The following FNDC3B variants were observed in gnomAD, a reference collection of about 807,000 sequenced individuals.
FNDC3B encodes fibronectin type III domain-containing protein 3B.
A neutral mutation model predicts 151.5 loss-of-function variants in FNDC3B; 12 were observed. The ratio of observed to expected loss-of-function variants is 0.08; its 90% CI spans 0.05 to 0.13. The LOEUF (loss-of-function observed/expected upper bound fraction) is 0.13. FNDC3B is among the 10% of genes least tolerant of loss of function. FNDC3B has a pLI of 1.00. For synonymous variants in FNDC3B, 528 were observed against 549.0 expected, an observed-to-expected ratio of 0.96 and a Z score of 0.54; for missense variants, 1,214 against 1,505.3, an observed-to-expected ratio of 0.81 and a Z score of 3.20.
At chr3:172,347,795 G>T (rs964995027) in intron 21 of FNDC3B, among the ~76,000 whole-genome samples, 1 of 152,112 alleles carries the variant, frequency 6.6e-6, no homozygotes, top group African/African-American at 2.4e-5. Context: ...AAATAATCTG[G>T]ACTAGTCTGC....
At chr3:172,088,362 T>C (rs912521737) in intron 1 of FNDC3B, among the ~76,000 whole-genome samples, 3 of 152,212 alleles carry the variant, frequency 2.0e-5, no homozygotes, top group Non-Finnish European at 2.9e-5. Flanking sequence ...GCAGCTAGCA[T>C]ACATAACAGA....
At chr3:172,261,123 T>C (rs969204489) in intron 6 of FNDC3B, among the ~76,000 whole-genome samples, 2 of 152,280 alleles carry the variant, frequency 1.3e-5, no homozygotes, top group East Asian at 1.9e-4. Flanking sequence ...TTGTACACCA[T>C]GTCTTCCGCA....
intron 3 of FNDC3B, among the ~76,000 whole-genome samples, chr3:172,134,591 TC>T (rs1721269600): frequency 6.6e-6 from 1 of 152,190 alleles, no homozygotes; most frequent in East Asian, 1.9e-4. Context: ...GTTTTTTTTT[TC>T]CTTGCGTAAT....
chr3:172,141,722 C>T (rs1244923610), intron 3 of FNDC3B, among the ~76,000 whole-genome samples: 1 of 152,080 alleles, frequency 6.6e-6, no homozygotes, highest in Non-Finnish European at 1.5e-5. Context: ...TGGTGGTTGG[C>T]ACCTGTAATC....
At chr3:172,178,668 A>C (rs1382794375) in intron 3 of FNDC3B, among the ~76,000 whole-genome samples, 2 of 152,154 alleles carry the variant, frequency 1.3e-5, no homozygotes, top group Non-Finnish European at 2.9e-5. Context: ...CATCCCTGGG[A>C]CCCCACATTC....
At chr3:172,262,894 CAAAAAAAAAAA>C (rs67891835) in intron 6 of FNDC3B, among the ~76,000 whole-genome samples, 55 of 60,608 alleles carry the variant, frequency 9.1e-4, no homozygotes, top group African/African-American at 2.2e-3. Flanking sequence ...GAGACCGACT[CAAAAAAAAAAA>C]AAAAAAAAAA....
In FNDC3B at chr3:172,399,645, G is replaced by A. The variant is rs772588443; in HGVS notation, c.*2170G>A. 5 of 140,888 alleles carry A rather than the reference G, an allele frequency of 3.5e-5. No individual in the cohort carries two copies. The highest frequency in any genetic ancestry group is 8.0e-5 in the Non-Finnish European group (5 of 62,530). 8.7% of individuals were successfully genotyped at this position (140,888 alleles called of 1,614,324 possible). A position where few individuals can be genotyped will look rare whatever the true frequency, so the allele number is the denominator to read the frequency against. On this transcript the variant is annotated 3_prime_UTR_variant, in exon 26 of 26. Transcript: ENST00000415807. ...CCAAAACTCACCCCCTTATTTAAAT[G>A]TGTGCTATGACCCACTATGACCACA...
intron 21 of FNDC3B, among the ~76,000 whole-genome samples, chr3:172,350,261 C>G (rs1733796880): frequency 6.6e-6 from 1 of 152,066 alleles, no homozygotes; most frequent in Non-Finnish European, 1.5e-5. Context: ...CATTACTGTC[C>G]CCATTTTACA....
At position 172,397,821 on chromosome 3, in the gene FNDC3B, T is replaced by C. The variant is rs1386254959; in HGVS notation, c.*346T>C. 6.2e-6 allele frequency: 1 copy of C among 161,922 alleles called. No homozygotes were observed. Among genetic ancestry groups the C allele is most frequent in the Non-Finnish European group, 1.3e-5 (1 of 74,876 alleles). 10.0% of individuals were successfully genotyped at this position (161,922 alleles called of 1,614,324 possible). The stretch of plus-strand genomic sequence containing the variant: ...TTTGATTTTTTTTTTTTTGTTACAG[T>C]TTAGTAATTTATATTCACCAGTCAC... On this transcript the variant is annotated 3_prime_UTR_variant, in exon 26 of 26. Coordinates refer to ENST00000415807, the MANE Select transcript of FNDC3B (RefSeq NM_022763.4).
rs558287694 is a variant in FNDC3B at position 172,177,706 on chromosome 3, C to T, written c.187+44160C>T. Among the ~76,000 whole-genome samples the T allele has an allele frequency of 1.9e-4, 21 of 108,078 alleles. No homozygotes were observed. In the South Asian group the frequency reaches 6.4e-3, roughly 33 times the overall value. The allele number at this position is 108,078 out of a possible 152,430, so 70.9% of individuals were successfully genotyped here. ...TTTTCTTTTCTTTTATAAAATTTTA[C>T]TTTAAGTTCCAGGATACATGTGCAG... On this transcript the variant is annotated intron_variant, in intron 3 of 25. Coordinates refer to ENST00000415807, the MANE Select transcript of FNDC3B (RefSeq NM_022763.4).
intron 2 of FNDC3B, among the ~76,000 whole-genome samples, chr3:172,113,818 C>T (rs1576876554): frequency 6.6e-6 from 1 of 152,332 alleles, no homozygotes; most frequent in East Asian, 1.9e-4. Context: ...CACTTCCTCT[C>T]CTTCCTTACC....
intron 6 of FNDC3B, among the ~76,000 whole-genome samples, chr3:172,262,894 C>CAAAAAAAAAAAAAAAAAAAA (rs67891835): frequency 3.3e-5 from 2 of 60,610 alleles, no homozygotes; most frequent in African/African-American, 1.3e-4. Flanking sequence ...GAGACCGACT[C>CAAAAAAAAAAAAAAAAAAAA]AAAAAAAAAA....
intron 1 of FNDC3B, among the ~76,000 whole-genome samples, chr3:172,104,401 GTTT>G (rs746523404): frequency 2.2e-5 from 3 of 135,422 alleles, no homozygotes; most frequent in Admixed American, 7.4e-5. Flanking sequence ...GTCCACTATA[GTTT>G]TTTTTTTTTT....
At chr3:172,094,059 C>T (rs2108514260) in intron 1 of FNDC3B, among the ~76,000 whole-genome samples, 1 of 146,148 alleles carries the variant, frequency 6.8e-6, no homozygotes, top group African/African-American at 2.5e-5. Context: ...AATTCTAGAA[C>T]ATCGGCATTG....
chr3:172,341,784 C>A (rs976635670), intron 17 of FNDC3B, among the ~76,000 whole-genome samples: 2 of 152,194 alleles, frequency 1.3e-5, no homozygotes, highest in Non-Finnish European at 2.9e-5. Flanking sequence ...AGCATCCATT[C>A]TTTTGTTTCT....
intron 5 of FNDC3B, among the ~76,000 whole-genome samples, chr3:172,250,772 A>G (rs867854940): frequency 6.6e-6 from 1 of 152,196 alleles, no homozygotes; most frequent in African/African-American, 2.4e-5. Flanking sequence ...TTGGTTAGAA[A>G]CAAATGGGAA....
intron 4 of FNDC3B, among the ~76,000 whole-genome samples, chr3:172,232,996 T>G (rs918683395): frequency 3.3e-5 from 5 of 152,226 alleles, no homozygotes; most frequent in African/African-American, 1.2e-4. Flanking sequence ...AAATACATAT[T>G]GAAATCACAT....
At chr3:172,306,059 G>T (rs1311238939) in intron 9 of FNDC3B, among the ~76,000 whole-genome samples, 2 of 152,084 alleles carry the variant, frequency 1.3e-5, no homozygotes, top group East Asian at 3.8e-4. Context: ...ATCTTTTGAG[G>T]TACAAAGTAG....
intron 5 of FNDC3B, among the ~76,000 whole-genome samples, chr3:172,249,737 G>A (rs533591125): frequency 1.3e-5 from 2 of 152,268 alleles, no homozygotes; most frequent in East Asian, 3.9e-4. Context: ...TCTCTGAATA[G>A]GATTATATTT....
Sources: gnomAD v4.1 joint callset for allele counts (sites outside exome capture counted in the v4.1 genomes callset) on GRCh38, gnomAD v4.1.1 for gene constraint, MANE v1.5 for transcripts, NCBI Gene and HGNC (gene_info 2026-07-23, HGNC 2026-07-21) for gene names.